SVIL: variants seen among roughly 807,000 people sequenced by gnomAD.
The protein encoded by SVIL is archvillin.
SVIL carries 101 observed loss-of-function variants against 240.4 expected under a neutral mutation model. The ratio of observed to expected loss-of-function variants is 0.42; its 90% CI spans 0.36 to 0.50. The LOEUF (loss-of-function observed/expected upper bound fraction) is 0.50. Ranked by LOEUF, SVIL falls within the 20% of genes least tolerant of loss-of-function variation. SVIL has a pLI of 0.01. For missense variants in SVIL, 2,512 were observed against 2,818.7 expected (o/e 0.89, Z 2.46); for synonymous variants, 999 against 1,100.0 (o/e 0.91, Z 1.82).
chr10:29,555,362 G>A (rs78128533), intron 3 of SVIL, among the ~76,000 whole-genome samples: 5,810 of 151,434 alleles, frequency 0.038, 311 homozygotes, highest in South Asian at 0.12. Flanking sequence ...ACCCTAGGAC[G>A]CATCATCCTC....
chr10:29,636,744 C>G (rs1161842275), upstream of SVIL, among the ~76,000 whole-genome samples: 1 of 152,212 alleles, frequency 6.6e-6, no homozygotes, highest in Non-Finnish European at 1.5e-5. Context: ...TGTCCCCAAA[C>G]TGATCTACAG....
intron 6 of SVIL, among the ~76,000 whole-genome samples, chr10:29,545,507 T>C (rs748391016): frequency 6.6e-6 from 1 of 152,078 alleles, no homozygotes; most frequent in Non-Finnish European, 1.5e-5. Context: ...TGCAGTACAG[T>C]AATGACAAAC....
intron 2 of SVIL, among the ~76,000 whole-genome samples, chr10:29,667,121 G>A (rs2133050175): frequency 6.6e-6 from 1 of 152,114 alleles, no homozygotes; most frequent in African/African-American, 2.4e-5. Flanking sequence ...TTATGAACCA[G>A]CAACTCCACA....
At chr10:29,561,578 G>C (rs529183926) in intron 3 of SVIL, among the ~76,000 whole-genome samples, 1 of 150,298 alleles carries the variant, frequency 6.7e-6, no homozygotes, top group East Asian at 2.0e-4. Context: ...GTTTGGCTCA[G>C]AGGAAATTTT....
chr10:29,690,040 A>G (rs1961384178), intron 1 of SVIL, among the ~76,000 whole-genome samples: 1 of 151,964 alleles, frequency 6.6e-6, no homozygotes, highest in Admixed American at 6.5e-5. Context: ...TTTAGTATTT[A>G]AAAATCTAAA....
chr10:29,687,012 C>A (rs889056182), intron 1 of SVIL, among the ~76,000 whole-genome samples: 1 of 152,166 alleles, frequency 6.6e-6, no homozygotes, highest in Non-Finnish European at 1.5e-5. Flanking sequence ...AAAGATTAAG[C>A]CTGGAGGCTG....
At chr10:29,733,273 T>C (rs1964720083) in intron 1 of SVIL, among the ~76,000 whole-genome samples, 1 of 152,222 alleles carries the variant, frequency 6.6e-6, no homozygotes, top group Non-Finnish European at 1.5e-5. Context: ...AATTATCTAA[T>C]TTAGTCCTCA....
chr10:29,561,254 T>G (rs1349470067), intron 3 of SVIL, among the ~76,000 whole-genome samples: 1 of 152,138 alleles, frequency 6.6e-6, no homozygotes, highest in East Asian at 1.9e-4. Context: ...TTATGACAAA[T>G]TTTTTAATAC....
At position 29,465,689 on chromosome 10, in the gene SVIL, A is replaced by G. The variant is rs111478482; in HGVS notation, c.6039T>C (p.Phe2013=). The G allele has an allele frequency of 1.4e-4, 228 of 1,613,328 alleles. No homozygotes were observed. In the African/African-American group the frequency reaches 1.5e-3, roughly 11 times the overall value. The change falls in exon 34 of 38, where the codon TTT becomes TTC. Residue 2013 remains phenylalanine (F), a synonymous_variant. Coordinates refer to ENST00000355867, the MANE Select transcript of SVIL (RefSeq NM_021738.3). The stretch of plus-strand genomic sequence containing the variant: ...CAGGGTACACAAACTCTGTGGCTGC[A>G]AAATCCCCAGAGGAGCTGCTGAGGA... ...LFILSSSSGD[F]AATEFVYPAR...
chr10:29,517,249 C>CA (rs1399715593), intron 16 of SVIL, among the ~76,000 whole-genome samples: 5 of 151,370 alleles, frequency 3.3e-5, no homozygotes, highest in South Asian at 2.1e-4. Flanking sequence ...CCCGTCTCTA[C>CA]AAAAAAATAA....
At chr10:29,589,250 A>T (rs1448896409) in intron 1 of SVIL, among the ~76,000 whole-genome samples, 5 of 152,208 alleles carry the variant, frequency 3.3e-5, no homozygotes, top group Non-Finnish European at 7.3e-5. Flanking sequence ...CCGCCCTATC[A>T]CATCATCGCC....
intron 16 of SVIL, among the ~76,000 whole-genome samples, chr10:29,520,458 C>G (rs1369750965): frequency 6.6e-6 from 1 of 152,186 alleles, no homozygotes. Context: ...CCCTCTGCCC[C>G]TTCCCTATGC....
chr10:29,679,949 G>A lies in SVIL; in HGVS notation c.-301+6604C>T, dbSNP rs545419174. Among the ~76,000 whole-genome samples, 44 of 151,702 alleles carry A rather than the reference G, an allele frequency of 2.9e-4. 1 individual carries two copies. The highest frequency in any genetic ancestry group is 1.3e-3 in the Admixed American group (20 of 15,256). On this transcript the variant is annotated intron_variant, in intron 2 of 35. Transcript: ENST00000375400. The stretch of plus-strand genomic sequence containing the variant: ...TGTAATCCCAGCACTTTGGGAGGCT[G>A]AGGCAGGAGGATTGCTTGAGCCCAG...
chr10:29,522,438 G>A lies in SVIL; in HGVS notation c.3361C>T (p.Pro1121Ser), dbSNP rs775889275. Residue 1121 changes from proline (P) to serine (S), a missense_variant, in exon 16 of 38, where the codon CCC becomes TCC. Around this residue, in one of 3 missense-constraint regions of SVIL, gnomAD observed 1,443 missense variants for 1,486.6 expected, o/e 0.97. Transcript: ENST00000355867. ...TPTGEGLLDS[P>S]SKTMSIKERL... is the part of the protein sequence containing the mutation. ...TCTTTAATAGACATGGTTTTGCTGG[G>A]TGAGTCAAGAAGGCCCTCCCCTGTC... 4 of 1,614,084 alleles carry A rather than the reference G, an allele frequency of 2.5e-6. No homozygotes were observed. Among genetic ancestry groups the A allele is most frequent in the East Asian group, 2.2e-5 (1 of 44,878 alleles).
chr10:29,682,463 G>A (rs1314840406), intron 2 of SVIL, among the ~76,000 whole-genome samples: 26 of 152,310 alleles, frequency 1.7e-4, no homozygotes, highest in Non-Finnish European at 2.9e-4. Flanking sequence ...GCATAAAGTA[G>A]CAACCAAAAC....
At chr10:29,521,282 T>C (rs915333006) in intron 16 of SVIL, among the ~76,000 whole-genome samples, 15 of 149,932 alleles carry the variant, frequency 1.0e-4, no homozygotes, top group Non-Finnish European at 5.9e-5. Context: ...CTTTTCATTG[T>C]GGTTTAGTAT....
At chr10:29,656,228 C>T (rs1319714240) in intron 3 of SVIL, among the ~76,000 whole-genome samples, 1 of 151,098 alleles carries the variant, frequency 6.6e-6, no homozygotes, top group African/African-American at 2.4e-5. Flanking sequence ...TTGTCAAATG[C>T]TTTCTCTGCA....
chr10:29,517,887 A>G (rs1004617182), intron 16 of SVIL, among the ~76,000 whole-genome samples: 3 of 152,358 alleles, frequency 2.0e-5, no homozygotes, highest in African/African-American at 7.2e-5. Flanking sequence ...AGCAATAGCA[A>G]AGGTTTTATC....
rs770650513 is a variant in SVIL, at chr10:29,533,439, A to T, written c.928T>A (p.Leu310Met). Residue 310 changes from leucine (L) to methionine (M), a missense_variant, in exon 8 of 38, where the codon TTG becomes ATG. Around this residue, in one of 3 missense-constraint regions of SVIL, gnomAD observed 1,443 missense variants for 1,486.6 expected, o/e 0.97. Coordinates refer to ENST00000355867, the MANE Select transcript of SVIL (RefSeq NM_021738.3). ...TTTCGAGCACTTTCCTCTTTCACCA[A>T]TTTTTCTCTAACTTTAACTCTTTAA... ...WPSRVKVREK[L>M]VKEESARNSP... is the part of the protein sequence containing the mutation. The T allele has an allele frequency of 4.3e-6, 7 of 1,612,722 alleles. No individual in the cohort carries two copies. In the African/African-American group the frequency reaches 8.0e-5, roughly 18 times the overall value.
Sources: gnomAD v4.1 joint callset for allele counts (sites outside exome capture counted in the v4.1 genomes callset) on GRCh38, gnomAD v4.1.1 for gene constraint, gnomAD v4.1.1 regional missense constraint, MANE v1.5 for transcripts, NCBI Gene and HGNC (gene_info 2026-07-23, HGNC 2026-07-21) for gene names.